Variants in SH3RF3 observed in about 807,000 individuals in gnomAD.
SH3RF3 encodes the protein E3 ubiquitin-protein ligase SH3RF3.
Under a neutral mutation model 66.3 loss-of-function variants are expected in SH3RF3, and 29 were observed. The observed-to-expected ratio is 0.44, with a 90% CI of 0.33 to 0.60. The LOEUF (loss-of-function observed/expected upper bound fraction) is 0.60. Among genes scored for constraint, SH3RF3 ranks in the 20% least tolerant of loss-of-function variants. SH3RF3 has a pLI of 0.04. For missense variants in SH3RF3, 1,194 were observed against 1,190.9 expected, an observed-to-expected ratio of 1.00 and a Z score of -0.04; for synonymous variants, 583 against 532.0, an observed-to-expected ratio of 1.10 and a Z score of -1.32.
chr2:109,374,205 A>T (rs1331070944), intron 3 of SH3RF3, among the ~76,000 whole-genome samples: 1 of 152,050 alleles, frequency 6.6e-6, no homozygotes, highest in East Asian at 1.9e-4. Context: ...AGGCTCAGAG[A>T]CACAGACCTC....
chr2:109,494,004 A>G (rs1350244860), intron 9 of SH3RF3, among the ~76,000 whole-genome samples: 2 of 152,070 alleles, frequency 1.3e-5, no homozygotes, highest in Non-Finnish European at 2.9e-5. Flanking sequence ...TGTTTTCCGG[A>G]TGGGTCCTGG....
At chr2:109,183,024 G>A (rs1171042733) in intron 1 of SH3RF3, among the ~76,000 whole-genome samples, 1 of 152,180 alleles carries the variant, frequency 6.6e-6, no homozygotes, top group Non-Finnish European at 1.5e-5. Context: ...ACATGACTGT[G>A]TCGTGAGATG....
intron 1 of SH3RF3, among the ~76,000 whole-genome samples, chr2:109,268,145 A>G (rs1680541550): frequency 6.6e-6 from 1 of 151,860 alleles, no homozygotes; most frequent in South Asian, 2.1e-4. Context: ...TTTGGTCGTC[A>G]CTTTTGCTGA....
chr2:109,442,094 G>A (rs1381232294), intron 7 of SH3RF3, among the ~76,000 whole-genome samples: 7 of 152,074 alleles, frequency 4.6e-5, no homozygotes, highest in African/African-American at 1.4e-4. Flanking sequence ...GGTGGATCAC[G>A]AGGTCAGGAG....
intron 2 of SH3RF3, among the ~76,000 whole-genome samples, chr2:109,356,467 G>A (rs1454573365): frequency 6.6e-6 from 1 of 152,200 alleles, no homozygotes; most frequent in Non-Finnish European, 1.5e-5. Flanking sequence ...CGACATGCTT[G>A]GGTTTTAGAT....
At chr2:109,436,251 G>A (rs1451222570) in intron 6 of SH3RF3, among the ~76,000 whole-genome samples, 5 of 152,120 alleles carry the variant, frequency 3.3e-5, no homozygotes, top group Non-Finnish European at 5.9e-5. Flanking sequence ...ATTTCACATC[G>A]CTGCCTCCAG....
chr2:109,458,001 G>A (rs1678108460), intron 8 of SH3RF3, among the ~76,000 whole-genome samples: 1 of 152,148 alleles, frequency 6.6e-6, no homozygotes. Context: ...GCTGGGTTCG[G>A]CATTCTATTT....
intron 1 of SH3RF3, among the ~76,000 whole-genome samples, chr2:109,236,672 G>A (rs1679656907): frequency 6.6e-6 from 1 of 152,296 alleles, no homozygotes; most frequent in South Asian, 2.1e-4. Context: ...ACGCCTAAAG[G>A]TCAAGGTCGA....
At chr2:109,335,240 C>T (rs745583294) in intron 1 of SH3RF3, among the ~76,000 whole-genome samples, 12 of 152,244 alleles carry the variant, frequency 7.9e-5, no homozygotes, top group Non-Finnish European at 1.5e-4. Context: ...GACTGTGGGG[C>T]AAGGCCCCTC....
At chr2:109,464,562 C>G (rs1678290452) in intron 8 of SH3RF3, among the ~76,000 whole-genome samples, 1 of 152,228 alleles carries the variant, frequency 6.6e-6, no homozygotes, top group African/African-American at 2.4e-5. Context: ...TGATCCACTT[C>G]TGCCAATTCT....
chr2:109,443,974 T>C (rs1330136534), intron 7 of SH3RF3, among the ~76,000 whole-genome samples: 1 of 152,242 alleles, frequency 6.6e-6, no homozygotes, highest in African/African-American at 2.4e-5. Context: ...TTTACTGAGA[T>C]AGATTATGTA....
At chr2:109,379,927 A>G (rs558123603) in intron 3 of SH3RF3, among the ~76,000 whole-genome samples, 1 of 152,224 alleles carries the variant, frequency 6.6e-6, no homozygotes, top group Admixed American at 6.5e-5. Context: ...AAATTCTTAG[A>G]CCTATCAGGG....
chr2:109,489,557 T>G (rs1444888034), intron 8 of SH3RF3, among the ~76,000 whole-genome samples: 1 of 152,146 alleles, frequency 6.6e-6, no homozygotes, highest in African/African-American at 2.4e-5. Context: ...ACAATGACGT[T>G]GCCAGGCTTG....
intron 1 of SH3RF3, among the ~76,000 whole-genome samples, chr2:109,280,528 A>G (rs986964445): frequency 8.5e-5 from 13 of 152,324 alleles, no homozygotes; most frequent in Admixed American, 2.6e-4. Context: ...GCCATGGTCC[A>G]ATACCAGTCC....
intron 1 of SH3RF3, among the ~76,000 whole-genome samples, chr2:109,241,791 A>G (rs1679790742): frequency 6.9e-6 from 1 of 144,490 alleles, no homozygotes. Context: ...TTTGAGATGG[A>G]GTCTTGCTCT....
intron 1 of SH3RF3, among the ~76,000 whole-genome samples, chr2:109,280,847 G>A (rs1222794539): frequency 6.6e-6 from 1 of 152,158 alleles, no homozygotes; most frequent in African/African-American, 2.4e-5. Context: ...TTTTATGTCC[G>A]TTGCACATTA....
At chr2:109,304,014 T>G (rs1681535850) in intron 1 of SH3RF3, among the ~76,000 whole-genome samples, 1 of 152,098 alleles carries the variant, frequency 6.6e-6, no homozygotes, top group African/African-American at 2.4e-5. Context: ...GGCAGGAGAA[T>G]TGCTTGAACC....
At chr2:109,240,737 C>T (rs1192498516) in intron 1 of SH3RF3, among the ~76,000 whole-genome samples, 5 of 152,002 alleles carry the variant, frequency 3.3e-5, no homozygotes, top group Non-Finnish European at 7.4e-5. Context: ...CTTCTGTTTC[C>T]TTCTGAGCTT....
At chr2:109,474,146 G>GT (rs1678609510) in intron 8 of SH3RF3, among the ~76,000 whole-genome samples, 1 of 152,148 alleles carries the variant, frequency 6.6e-6, no homozygotes, top group Admixed American at 6.5e-5. Flanking sequence ...CAGGTGGCCA[G>GT]GGAAGCTTGG....
Sources: allele counts gnomAD v4.1 joint callset (sites outside exome capture counted in the v4.1 genomes callset), GRCh38; gene constraint gnomAD v4.1.1; transcripts MANE v1.5; gene names NCBI Gene and HGNC (gene_info 2026-07-23, HGNC 2026-07-21).